The following SPTBN5 variants were observed in gnomAD, a reference collection of about 807,000 sequenced individuals.
SPTBN5 encodes the protein spectrin beta, non-erythrocytic 5, also known as spectrin beta chain, non-erythrocytic 5.
SPTBN5 carries 513 observed loss-of-function variants against 477.6 expected under a neutral mutation model. The observed-to-expected ratio is 1.07, with a 90% CI of 1.00 to 1.16. The LOEUF is 1.16. Among genes scored for constraint, SPTBN5 ranks in the 50% most tolerant of loss-of-function variants. The pLI is 0.00. For synonymous variants in SPTBN5, 2,169 were observed against 2,011.7 expected (o/e 1.08, Z -2.09); for missense variants, 5,062 against 4,731.8 (o/e 1.07, Z -2.05).
chr15:41,878,330 T>G lies in SPTBN5; in HGVS notation c.3470+12A>C. ...AGCCCAAAGTGCACCCCTTCTGCCC[T>G]CCTGTCCTGACCTCTCCTGCCACAG... On this transcript the variant is annotated intron_variant, in intron 17 of 67. Coordinates refer to ENST00000320955, the MANE Select transcript of SPTBN5 (RefSeq NM_016642.4). The G allele has an allele frequency of 6.2e-7, 1 of 1,612,550 alleles. No individual in the cohort carries two copies. The highest frequency in any genetic ancestry group is 8.5e-7 in the Non-Finnish European group (1 of 1,179,252).
At chr15:41,886,406 G>A (rs1295353061) in intron 6 of SPTBN5, 40 bp from the exon 7 acceptor site, 12 of 1,529,740 alleles carry the variant, frequency 7.8e-6, no homozygotes, top group Non-Finnish European at 9.6e-6. Context: ...TCCTTCTCAG[G>A]GCAGGCCCTG....
Position 41,863,038 on chromosome 15 carries a change from A to G in SPTBN5, c.7150-135T>C, listed in dbSNP as rs151074985. 780 of 765,700 alleles carry G rather than the reference A, an allele frequency of 1.0e-3. 6 individuals carry two copies. The African/African-American group carries it at 0.012, about 12-fold the overall frequency. 47.4% of individuals were successfully genotyped at this position (765,700 alleles called of 1,614,324 possible). A position where few individuals can be genotyped will look rare whatever the true frequency, so the allele number is the denominator to read the frequency against. On this transcript the variant is annotated intron_variant, in intron 41 of 67. Transcript: ENST00000320955. ...TTTCCTGGCCCCGACTTTGAGGGCCAGAGATCTCTTCCTTATGTGAGGGGG... is the reference window on the plus strand; with the variant it reads ...TTTCCTGGCCCCGACTTTGAGGGCCGGAGATCTCTTCCTTATGTGAGGGGG...
Position 41,876,265 on chromosome 15 carries a change from G to C in SPTBN5, c.3971C>G (p.Ala1324Gly). ...CTCTTCCATCCACTGCATCAGCTCT[G>C]CCACATCCTGCTTCCACTCCTGCCA... Reference protein sequence around the residue: ...LQLQEWKQDVAELMQWMEEKG... With the variant: ...LQLQEWKQDVGELMQWMEEKG... Residue 1324 changes from alanine (A) to glycine (G), a missense_variant, in exon 21 of 68, where the codon GCA becomes GGA. Physicochemically the swap from Ala to Gly is moderately conservative, Grantham distance 60 (BLOSUM62 0). Transcript: ENST00000320955. The C allele has an allele frequency of 6.3e-7, 1 of 1,576,764 alleles. No homozygotes were observed. Among genetic ancestry groups the C allele is most frequent in the South Asian group, 1.1e-5 (1 of 89,144 alleles).
rs2066477456 is a variant in SPTBN5 at position 41,870,008 on chromosome 15, G to A, written c.5686C>T (p.Leu1896=). The change falls in exon 32 of 68, where the codon CTG becomes TTG. Residue 1896 remains leucine, a synonymous_variant. Coordinates refer to ENST00000320955, the MANE Select transcript of SPTBN5 (RefSeq NM_016642.4). ...VGTERQLQEL[L]ETAGRVQKLC... is the part of the protein sequence containing the mutation. ...TTCTGCACCCTGCCTGCAGTCTCCA[G>A]CAGTTCCTGCAGCTGCGGGAGGGGC... The A allele has an allele frequency of 2.0e-6, 3 of 1,495,376 alleles. No homozygotes were observed. Among genetic ancestry groups the A allele is most frequent in the Non-Finnish European group, 2.7e-6 (3 of 1,120,404 alleles). The allele number at this position is 1,495,376 out of a possible 1,614,324, so 92.6% of individuals were successfully genotyped here.
At position 41,851,787 on chromosome 15, in the gene SPTBN5, C is replaced by T. The variant is rs370999076; in HGVS notation, c.10648G>A (p.Gly3550Arg). The stretch of plus-strand genomic sequence containing the variant: ...AATCTCCAGGCACTCACCTGCCTCC[C>T]GCCAGGCAGCAGGTGCTGCTTGAAC... ...LEFKQHLLPGGRQPSSSSWDS... is the reference protein window; with the variant it reads ...LEFKQHLLPGRRQPSSSSWDS... The change falls in exon 63 of 68, where the codon GGG becomes AGG. Residue 3550 changes from glycine to arginine, a missense_variant. Gly to Arg is a moderately radical substitution (Grantham distance 125). Transcript: ENST00000320955. The T allele has an allele frequency of 1.7e-4, 280 of 1,609,326 alleles. No individual in the cohort carries two copies. Among genetic ancestry groups the T allele is most frequent in the Non-Finnish European group, 2.2e-4 (256 of 1,178,570 alleles).
Position 41,880,214 on chromosome 15 carries a change from G to C in SPTBN5, c.2757C>G (p.Leu919=). The C allele has an allele frequency of 1.9e-6, 3 of 1,604,468 alleles. No individual in the cohort carries two copies. The highest frequency in any genetic ancestry group is 2.6e-6 in the Non-Finnish European group (3 of 1,176,232). ...QLWLEKQTVL[L]QRVQPQADTL... is the part of the protein sequence containing the mutation. ...TGTCAGCCTGGGGCTGCACCCTTTG[G>C]AGCAGCACTGTCTGCTTCTCCAGCC... The change falls in exon 14 of 68, where the codon CTC becomes CTG. Residue 919 remains leucine (L), a synonymous_variant. Transcript: ENST00000320955.
chr15:41,862,707 C>T (rs1339149404), intron 42 of SPTBN5, 47 bp from the exon 43 acceptor site: 4 of 1,538,500 alleles, frequency 2.6e-6, no homozygotes, highest in Middle Eastern at 1.7e-4. Flanking sequence ...GAGCTCTGGG[C>T]CACCCAAGCC....
At chr15:41,872,866 A>C (rs921605525) in intron 26 of SPTBN5, among the ~76,000 whole-genome samples, 1 of 152,160 alleles carries the variant, frequency 6.6e-6, no homozygotes, top group Non-Finnish European at 1.5e-5. Context: ...GGCCTTTAGA[A>C]AGACCTTCTC....
chr15:41,861,127 C>G (rs2066091450), intron 46 of SPTBN5, among the ~76,000 whole-genome samples: 1 of 152,220 alleles, frequency 6.6e-6, no homozygotes, highest in South Asian at 2.1e-4. Flanking sequence ...AAGCCAACCT[C>G]TAGGCATTTG....
chr15:41,868,367 G>A (rs1164301110), intron 33 of SPTBN5, 31 bp downstream of exon 33: 1 of 1,588,438 alleles, frequency 6.3e-7, no homozygotes, highest in South Asian at 1.1e-5. Context: ...GTCAGCTAGG[G>A]TATGTGGGGG....
rs751487205 is a variant in SPTBN5, at chr15:41,870,331, T to C, written c.5585A>G (p.Asn1862Ser). 12 of 1,570,602 alleles carry C rather than the reference T, an allele frequency of 7.6e-6. No individual in the cohort carries two copies. In the South Asian group the frequency reaches 1.1e-4, roughly 14 times the overall value. The change falls in exon 31 of 68, where the codon AAC becomes AGC. Residue 1862 changes from asparagine to serine, a missense_variant. Asn to Ser is a conservative substitution (Grantham distance 46). Transcript: ENST00000320955. ...QVQEKATSLP[N>S]NVARDLCGLE... is the part of the protein sequence containing the mutation. ...CCCACACAGGTCCCGTGCCACATTG[T>C]TGGGGAGGCTCGTGGCTTTCTCCTG...
chr15:41,877,154 C>T lies in SPTBN5; in HGVS notation c.3673G>A (p.Ala1225Thr), dbSNP rs2066767582. ...AGGTGCAGCCAGGCCTGGTGGTTGG[C>T]ACAGGTGGCAGTGAAACCATCCACT... ...REVDGFTATC[A>T]NHQAWLHLDN... The change falls in exon 18 of 68, where the codon GCC becomes ACC. Residue 1225 changes from alanine to threonine, a missense_variant. Transcript: ENST00000320955. The T allele has an allele frequency of 1.9e-6, 3 of 1,613,850 alleles. No homozygotes were observed. Among genetic ancestry groups the T allele is most frequent in the South Asian group, 2.2e-5 (2 of 91,078 alleles).
intron 49 of SPTBN5, 129 bp from the exon 50 acceptor site, chr15:41,857,839 T>G (rs925755646): frequency 9.0e-7 from 1 of 1,106,458 alleles, no homozygotes; most frequent in African/African-American, 1.6e-5. Flanking sequence ...CTTGAGCAAC[T>G]TTCTTTACCT....
intron 34 of SPTBN5, 141 bp downstream of exon 34, chr15:41,867,928 G>A: frequency 1.7e-6 from 2 of 1,190,602 alleles, no homozygotes; most frequent in Non-Finnish European, 2.3e-6. Flanking sequence ...ACTTCACCAT[G>A]GCCACCTGGA....
chr15:41,849,182 C>T (rs1204209912), intron 67 of SPTBN5, among the ~76,000 whole-genome samples: 1 of 152,238 alleles, frequency 6.6e-6, no homozygotes, highest in African/African-American at 2.4e-5. Flanking sequence ...TCCCCTCCCC[C>T]TGGAGAGCCT....
In SPTBN5 at chr15:41,855,697, T is replaced by C. The variant is rs777523687; in HGVS notation, c.9070A>G (p.Ser3024Gly). ...TCAGCACTGTGGCCCATGTCCTCGC[T>C]GTCCAGGACATGGCCCCGCTCAGCC... ...WLAERGHVLD[S>G]EDMGHSAEAT... The change falls in exon 54 of 68, where the codon AGC (serine) becomes GGC (glycine). Residue 3024 changes from serine (S) to glycine (G), a missense_variant. Physicochemically the swap from Ser to Gly is moderately conservative, Grantham distance 56. Transcript: ENST00000320955. 7 of 1,601,120 alleles carry C rather than the reference T, an allele frequency of 4.4e-6. No individual in the cohort carries two copies. The African/African-American group carries it at 9.4e-5, about 21-fold the overall frequency.
At chr15:41,859,521 TAA>T (rs1420272324) in intron 47 of SPTBN5, among the ~76,000 whole-genome samples, 7 of 152,116 alleles carry the variant, frequency 4.6e-5, no homozygotes, top group African/African-American at 1.7e-4. Flanking sequence ...ACAGCGTCTT[TAA>T]AAGAGGTAAT....
At chr15:41,855,818 C>A in intron 53 of SPTBN5, 73 bp from the exon 54 acceptor site, 1 of 1,420,480 alleles carries the variant, frequency 7.0e-7, no homozygotes, top group Admixed American at 2.4e-5. Flanking sequence ...CCACGATTCT[C>A]AGCCTGGCTG....
chr15:41,888,895 G>T (rs755624156), intron 4 of SPTBN5, among the ~76,000 whole-genome samples: 1 of 152,230 alleles, frequency 6.6e-6, no homozygotes, highest in Non-Finnish European at 1.5e-5. Flanking sequence ...GAGGCCCTGG[G>T]CCCCAGCGAG....
Sources: allele counts gnomAD v4.1 joint callset (sites outside exome capture counted in the v4.1 genomes callset), GRCh38; gene constraint gnomAD v4.1.1; transcripts MANE v1.5; gene names NCBI Gene and HGNC (gene_info 2026-07-23, HGNC 2026-07-21).